GALNT6: variants seen among roughly 807,000 people sequenced by gnomAD.
GALNT6 encodes GalNAc transferase 6.
In GALNT6, 51 loss-of-function variants were observed where a neutral mutation model predicts 65.9. That is an observed-to-expected ratio of 0.77 (90% CI 0.62 to 0.98). The LOEUF (loss-of-function observed/expected upper bound fraction) is 0.98, where lower values mean the gene tolerates loss of function less well. Among genes scored for constraint, GALNT6 ranks in the 50% least tolerant of loss-of-function variants. The pLI, the probability that GALNT6 is intolerant of heterozygous loss-of-function variation, is 0.00. For synonymous variants in GALNT6, 323 were observed against 315.1 expected (o/e 1.02, Z -0.26); for missense variants, 708 against 803.3 (o/e 0.88, Z 1.43).
Position 51,379,596 on chromosome 12 carries a change from G to C in GALNT6, c.186C>G (p.Asn62Lys). Residue 62 changes from asparagine to lysine, a missense_variant, in exon 3 of 12, where the codon AAC becomes AAG. Asn to Lys is a moderately conservative substitution (Grantham distance 94, BLOSUM62 0). Coordinates refer to ENST00000356317, the MANE Select transcript of GALNT6 (RefSeq NM_007210.4). ...GCTTGGGCATTGAATCTCTAAGGTTGTTCATGGCCTCCAGCATGAGGTCCA... is the reference window on the plus strand; with the variant it reads ...GCTTGGGCATTGAATCTCTAAGGTTCTTCATGGCCTCCAGCATGAGGTCCA... ...HVLDLMLEAM[N>K]NLRDSMPKLQ... The C allele has an allele frequency of 6.2e-7, 1 of 1,614,082 alleles. No individual in the cohort carries two copies. Among genetic ancestry groups the C allele is most frequent in the Non-Finnish European group, 8.5e-7 (1 of 1,179,924 alleles).
intron 3 of GALNT6, among the ~76,000 whole-genome samples, chr12:51,377,881 C>T (rs941590530): frequency 6.6e-6 from 1 of 152,180 alleles, no homozygotes. Flanking sequence ...TCATTAACTC[C>T]CTGTGATTTG....
In GALNT6 at chr12:51,379,856, T is replaced by C. The variant is rs1464799812; in HGVS notation, c.-75A>G. 2.5e-5 allele frequency: 35 copies of C among 1,424,220 alleles called. No homozygotes were observed. Among genetic ancestry groups the C allele is most frequent in the Non-Finnish European group, 3.2e-5 (34 of 1,069,904 alleles). 88.2% of individuals were successfully genotyped at this position (1,424,220 alleles called of 1,614,324 possible). ...CCAACCCTGGAGATAGCTTGATACG[T>C]TGTGGTGGCCACAAGCTGGGGCCTC... On this transcript the variant is annotated 5_prime_UTR_variant, in exon 3 of 12. Transcript: ENST00000356317.
intron 9 of GALNT6, 146 bp downstream of exon 9, chr12:51,357,984 G>A (rs944830061): frequency 3.0e-5 from 21 of 702,180 alleles, no homozygotes; most frequent in African/African-American, 2.5e-4. Context: ...AAGCCCCAAC[G>A]TGGCCTCTCA....
intron 4 of GALNT6, among the ~76,000 whole-genome samples, chr12:51,371,054 A>AATTTATTTTTATT (rs1555178908): frequency 6.9e-6 from 1 of 144,450 alleles, no homozygotes; most frequent in Non-Finnish European, 1.5e-5. Flanking sequence ...CCTTTTAAAA[A>AATTTATTTTTATT]ATTATTATTA....
At chr12:51,369,726 C>G (rs935586708) in intron 4 of GALNT6, among the ~76,000 whole-genome samples, 1 of 152,186 alleles carries the variant, frequency 6.6e-6, no homozygotes. Flanking sequence ...TCCCTCACGT[C>G]AGTACACGGT....
chr12:51,368,652 C>G (rs1170050773), intron 4 of GALNT6, among the ~76,000 whole-genome samples: 1 of 152,030 alleles, frequency 6.6e-6, no homozygotes, highest in Non-Finnish European at 1.5e-5. Flanking sequence ...GTGATCTGCC[C>G]GCCTCGGCCT....
rs1479338882 is a variant in GALNT6 at position 51,351,992 on chromosome 12, G to A, written c.*2387C>T. 1 of 151,832 alleles carries A rather than the reference G, an allele frequency of 6.6e-6. No individual in the cohort carries two copies. Among genetic ancestry groups the A allele is most frequent in the Non-Finnish European group, 1.5e-5 (1 of 68,032 alleles). 9.4% of individuals were successfully genotyped at this position (151,832 alleles called of 1,614,324 possible). On this transcript the variant is annotated 3_prime_UTR_variant, in exon 12 of 12. Transcript: ENST00000356317. ...TACCCTGGCCACTCCTTTCCTTTTG[G>A]CTGGCCAATGTCTCCTCTGTAGGCT...
intron 3 of GALNT6, among the ~76,000 whole-genome samples, chr12:51,378,238 T>A (rs1947527033): frequency 6.6e-6 from 1 of 152,150 alleles, no homozygotes; most frequent in Non-Finnish European, 1.5e-5. Context: ...CCCTGCAACC[T>A]CCACCTCCCA....
At chr12:51,373,331 G>T (rs377228816) in intron 4 of GALNT6, among the ~76,000 whole-genome samples, 2 of 152,274 alleles carry the variant, frequency 1.3e-5, no homozygotes, top group African/African-American at 4.8e-5. Context: ...GGAGATAATT[G>T]AATCATGGGG....
intron 10 of GALNT6, among the ~76,000 whole-genome samples, chr12:51,356,286 C>A (rs1374963186): frequency 6.6e-6 from 1 of 151,002 alleles, no homozygotes; most frequent in African/African-American, 2.4e-5. Context: ...AGTGATCCTC[C>A]CACCTTGGCC....
rs968900034 is a variant in GALNT6, at chr12:51,353,317, T to C, written c.*1062A>G. ...CAGTTCTACAGACTTCAGGTAATAA[T>C]AGCAAGGGAGGATCTCTTAGACCTC... On this transcript the variant is annotated 3_prime_UTR_variant, in exon 12 of 12. Transcript: ENST00000356317. 1 of 151,958 alleles carries C rather than the reference T, an allele frequency of 6.6e-6. No homozygotes were observed. The highest frequency in any genetic ancestry group is 1.5e-5 in the Non-Finnish European group (1 of 68,022). 9.4% of individuals were successfully genotyped at this position (151,958 alleles called of 1,614,324 possible). A position where few individuals can be genotyped will look rare whatever the true frequency, so the allele number is the denominator to read the frequency against.
At chr12:51,374,955 C>A (rs910982885) in intron 4 of GALNT6, among the ~76,000 whole-genome samples, 1 of 152,086 alleles carries the variant, frequency 6.6e-6, no homozygotes, top group African/African-American at 2.4e-5. Context: ...AATGTCAATT[C>A]AACATTTTTT....
chr12:51,379,417 T>G lies in GALNT6; in HGVS notation c.365A>C (p.Lys122Thr). 1.9e-6 allele frequency: 3 copies of G among 1,610,454 alleles called. No individual in the cohort carries two copies. Among genetic ancestry groups the G allele is most frequent in the Non-Finnish European group, 2.5e-6 (3 of 1,178,194 alleles). Residue 122 changes from lysine (K) to threonine (T), a missense_variant, in exon 3 of 12, where the codon AAG becomes ACG. Transcript: ENST00000356317. ...APGADGKAFQ[K>T]SKWTPLETQE... ...GGTCTCCAGGGGGGTCCACTTGCTCTTCTGAAATGCTTTTCCATCTGCCCC... is the reference window on the plus strand; with the variant it reads ...GGTCTCCAGGGGGGTCCACTTGCTCGTCTGAAATGCTTTTCCATCTGCCCC...
intron 4 of GALNT6, among the ~76,000 whole-genome samples, chr12:51,374,983 T>C (rs1339802694): frequency 5.3e-5 from 8 of 152,150 alleles, no homozygotes; most frequent in African/African-American, 1.9e-4. Flanking sequence ...GACAGGGTCA[T>C]GCTCTGGCTC....
chr12:51,381,684 C>T (rs1226412717), intron 2 of GALNT6, among the ~76,000 whole-genome samples: 1 of 152,208 alleles, frequency 6.6e-6, no homozygotes, highest in Non-Finnish European at 1.5e-5. Flanking sequence ...CCTCAATTTC[C>T]TCATCTATAA....
chr12:51,357,978 C>T (rs946980716), intron 9 of GALNT6, 152 bp downstream of exon 9: 43 of 677,248 alleles, frequency 6.3e-5, no homozygotes, highest in Non-Finnish European at 9.5e-5. Context: ...CTCTAGAAGC[C>T]CCAACGTGGC....
intron 2 of GALNT6, among the ~76,000 whole-genome samples, chr12:51,390,596 G>T (rs895541970): frequency 1.3e-5 from 2 of 152,222 alleles, no homozygotes; most frequent in Non-Finnish European, 2.9e-5. Flanking sequence ...GGAGAATAGG[G>T]CCTGTGTGGT....
intron 4 of GALNT6, among the ~76,000 whole-genome samples, chr12:51,372,507 A>G (rs572777887): frequency 6.6e-6 from 1 of 152,262 alleles, no homozygotes; most frequent in Admixed American, 6.5e-5. Flanking sequence ...GTGCGTCCTG[A>G]CCATGCAGAT....
chr12:51,381,323 A>C (rs1015184501), intron 2 of GALNT6, among the ~76,000 whole-genome samples: 1 of 152,192 alleles, frequency 6.6e-6, no homozygotes, highest in Non-Finnish European at 1.5e-5. Flanking sequence ...TCATGACAAG[A>C]CATTCCCGGC....
Sources: gnomAD v4.1 joint callset for allele counts (sites outside exome capture counted in the v4.1 genomes callset) on GRCh38, gnomAD v4.1.1 for gene constraint, MANE v1.5 for transcripts, NCBI Gene and HGNC (gene_info 2026-07-23, HGNC 2026-07-21) for gene names.